CHKA: variants seen among roughly 807,000 people sequenced by gnomAD.
CHKA encodes the protein choline kinase alpha, also known as CHETK-alpha.
In CHKA, 34 loss-of-function variants were observed where a neutral mutation model predicts 60.1. The ratio of observed to expected loss-of-function variants is 0.57; its 90% CI spans 0.43 to 0.75. The LOEUF is 0.75. Ranked by LOEUF, CHKA falls within the 30% of genes least tolerant of loss-of-function variation. The pLI is 0.00. For synonymous variants in CHKA, 217 were observed against 223.1 expected (o/e 0.97, Z 0.24); for missense variants, 563 against 561.3 (o/e 1.00, Z -0.03).
chr11:68,082,426 A>C (rs1857016800), intron 2 of CHKA: 1 of 152,676 alleles, frequency 6.5e-6, no homozygotes, highest in South Asian at 2.1e-4. Flanking sequence ...AAGGAATCCC[A>C]GAAAGGAAAC....
chr11:68,059,891 C>A (rs1856158867), intron 11 of CHKA, among the ~76,000 whole-genome samples: 1 of 152,164 alleles, frequency 6.6e-6, no homozygotes, highest in Non-Finnish European at 1.5e-5. Context: ...ATGCATGAGG[C>A]CAGGCTGGCA....
At chr11:68,097,837 T>C (rs1406220797) in intron 1 of CHKA, among the ~76,000 whole-genome samples, 1 of 152,108 alleles carries the variant, frequency 6.6e-6, no homozygotes, top group African/African-American at 2.4e-5. Flanking sequence ...GAGACCTCAA[T>C]ACTCTAATCA....
At chr11:68,057,331 C>CT (rs891365457) in intron 11 of CHKA, among the ~76,000 whole-genome samples, 3 of 151,470 alleles carry the variant, frequency 2.0e-5, no homozygotes, top group East Asian at 1.9e-4. Flanking sequence ...TTCTTTTTTT[C>CT]TTTTTTGAGA....
At chr11:68,063,256 T>TG (rs1242358889) in intron 10 of CHKA, among the ~76,000 whole-genome samples, 1 of 152,020 alleles carries the variant, frequency 6.6e-6, no homozygotes, top group African/African-American at 2.4e-5. Context: ...CCTAGCACTT[T>TG]GGGGGGCCAA....
intron 1 of CHKA, among the ~76,000 whole-genome samples, chr11:68,108,099 T>C (rs1857983970): frequency 6.6e-6 from 1 of 152,158 alleles, no homozygotes; most frequent in Admixed American, 6.5e-5. Context: ...AACGTGGGCA[T>C]CACTGAAAGC....
intron 3 of CHKA, among the ~76,000 whole-genome samples, chr11:68,078,720 G>C (rs1856870915): frequency 6.6e-6 from 1 of 152,180 alleles, no homozygotes; most frequent in Non-Finnish European, 1.5e-5. Flanking sequence ...AGCTGAAATT[G>C]AGGAGACATT....
intron 4 of CHKA, among the ~76,000 whole-genome samples, chr11:68,073,752 C>T (rs1856697398): frequency 2.0e-5 from 3 of 152,194 alleles, no homozygotes; most frequent in Admixed American, 6.5e-5. Context: ...ACCCCTCTGC[C>T]AGGCATCCTA....
chr11:68,077,773 G>A (rs751875358), intron 3 of CHKA, among the ~76,000 whole-genome samples: 16 of 152,120 alleles, frequency 1.1e-4, no homozygotes, highest in African/African-American at 3.1e-4. Flanking sequence ...AAGGGTGACT[G>A]GTGTGGTGGT....
intron 5 of CHKA, 41 bp from the exon 6 acceptor site, chr11:68,070,334 C>T (rs1856573643): frequency 7.4e-7 from 1 of 1,349,908 alleles, no homozygotes; most frequent in Non-Finnish European, 1.1e-6. Context: ...CAAAGAATCA[C>T]CGATCAATTC....
chr11:68,070,940 G>A (rs1171073395), intron 4 of CHKA, 83 bp from the exon 5 acceptor site: 2 of 1,425,904 alleles, frequency 1.4e-6, no homozygotes. Flanking sequence ...GGAACGAGAA[G>A]TGTTTTTGTA....
At chr11:68,118,003 CAA>C (rs1470594572) in intron 1 of CHKA, among the ~76,000 whole-genome samples, 1 of 152,202 alleles carries the variant, frequency 6.6e-6, no homozygotes, top group Non-Finnish European at 1.5e-5. Context: ...GCTGCTGCTA[CAA>C]ACGCAGAGCG....
intron 6 of CHKA, among the ~76,000 whole-genome samples, chr11:68,069,477 G>C (rs1034058475): frequency 2.3e-4 from 35 of 151,956 alleles, no homozygotes; most frequent in African/African-American, 8.0e-4. Flanking sequence ...ACGAGGTCAA[G>C]AGATCAAGAC....
chr11:68,108,720 G>T (rs559237928), intron 1 of CHKA, among the ~76,000 whole-genome samples: 1 of 152,130 alleles, frequency 6.6e-6, no homozygotes, highest in Admixed American at 6.6e-5. Flanking sequence ...CTCCAGCCTG[G>T]GTGACCGCAA....
chr11:68,072,071 A>G (rs890426840), intron 4 of CHKA, among the ~76,000 whole-genome samples: 5 of 152,254 alleles, frequency 3.3e-5, no homozygotes, highest in Non-Finnish European at 7.3e-5. Context: ...ATTTGGCAAC[A>G]AGGAAAATCT....
chr11:68,090,115 T>A (rs190598294), intron 2 of CHKA, among the ~76,000 whole-genome samples: 39 of 152,290 alleles, frequency 2.6e-4, no homozygotes, highest in African/African-American at 9.1e-4. Flanking sequence ...TGTGGTTTAT[T>A]TGGTTATCAA....
chr11:68,072,467 A>G (rs1171781634), intron 4 of CHKA, among the ~76,000 whole-genome samples: 1 of 148,012 alleles, frequency 6.8e-6, no homozygotes, highest in Non-Finnish European at 1.5e-5. Flanking sequence ...GGATCACTTG[A>G]GCCTGGGAGG....
intron 11 of CHKA, among the ~76,000 whole-genome samples, chr11:68,055,227 C>T (rs1435505750): frequency 2.6e-5 from 4 of 152,116 alleles, no homozygotes; most frequent in African/African-American, 9.7e-5. Flanking sequence ...ACCCCCTCTA[C>T]TAAAAATAAA....
intron 1 of CHKA, among the ~76,000 whole-genome samples, chr11:68,116,553 A>T (rs1326884969): frequency 5.3e-5 from 8 of 151,856 alleles, no homozygotes; most frequent in African/African-American, 1.9e-4. Context: ...TCTACTAAAG[A>T]TACCAAAAAA....
chr11:68,095,425 A>C (rs1857468307), intron 2 of CHKA, among the ~76,000 whole-genome samples: 1 of 137,490 alleles, frequency 7.3e-6, no homozygotes, highest in African/African-American at 2.7e-5. Flanking sequence ...AAAAAAAAAA[A>C]AAAAGCCAGG....
Sources: allele counts gnomAD v4.1 joint callset (sites outside exome capture counted in the v4.1 genomes callset), GRCh38; gene constraint gnomAD v4.1.1; transcripts MANE v1.5; gene names NCBI Gene and HGNC (gene_info 2026-07-23, HGNC 2026-07-21).